The following PLEKHA7 variants were observed in gnomAD, a reference collection of about 807,000 sequenced individuals.
The protein encoded by PLEKHA7 is pleckstrin homology domain-containing family A member 7.
Under a neutral mutation model 170.0 loss-of-function variants are expected in PLEKHA7, and 104 were observed. That is an observed-to-expected ratio of 0.61 (90% CI 0.52 to 0.72). The LOEUF (loss-of-function observed/expected upper bound fraction) is 0.72. Ranked by LOEUF, PLEKHA7 falls within the 30% of genes least tolerant of loss-of-function variation. The probability of loss-of-function intolerance (pLI) is 0.00; values close to 1 mark genes in which losing one functional copy is unlikely to be tolerated. For missense variants in PLEKHA7, 1,615 were observed against 1,671.7 expected, an observed-to-expected ratio of 0.97 and a Z score of 0.59; for synonymous variants, 648 against 660.8, an observed-to-expected ratio of 0.98 and a Z score of 0.30.
At chr11:16,887,399 C>G (rs1475556714) in intron 3 of PLEKHA7, among the ~76,000 whole-genome samples, 1 of 104,664 alleles carries the variant, frequency 9.6e-6, no homozygotes, top group Admixed American at 8.9e-5. Context: ...CCTCTCCCCA[C>G]GGTCTCCCTC....
At chr11:16,910,099 G>A (rs555341911) in intron 3 of PLEKHA7, among the ~76,000 whole-genome samples, 77 of 152,282 alleles carry the variant, frequency 5.1e-4, no homozygotes, top group African/African-American at 1.9e-3. Context: ...GCTGAGTTCT[G>A]CACTTTTAAA....
Position 16,783,721 on chromosome 11 carries a change from C to A in PLEKHA7, c.3629G>T (p.Arg1210Leu). The change falls in exon 25 of 27, where the codon CGC (arginine) becomes CTC (leucine). Residue 1210 changes from arginine (R) to leucine (L), a missense_variant. By Grantham distance (102) the Arg-to-Leu change is moderately radical. Transcript: ENST00000531066. ...QARYRKAEKIRNILARSSMCN... is the reference protein window; with the variant it reads ...QARYRKAEKILNILARSSMCN... ...TGACCTTGACCGGGCGAGGATGTTG[C>A]GGATCTTCTCGGCTTTGCGGTACCG... The A allele has an allele frequency of 1.4e-6, 2 of 1,476,736 alleles. No individual in the cohort carries two copies. The highest frequency in any genetic ancestry group is 2.7e-5 in the East Asian group (1 of 36,846). 91.5% of individuals were successfully genotyped at this position (1,476,736 alleles called of 1,614,324 possible). A position where few individuals can be genotyped will look rare whatever the true frequency, so the allele number is the denominator to read the frequency against.
At chr11:16,981,686 A>G (rs528694787) in intron 3 of PLEKHA7, among the ~76,000 whole-genome samples, 1 of 152,300 alleles carries the variant, frequency 6.6e-6, no homozygotes, top group East Asian at 1.9e-4. Context: ...TTGAGTTGCA[A>G]AGAGAAAAAT....
intron 23 of PLEKHA7, chr11:16,786,724 G>A (rs1194285081): frequency 1.0e-6 from 1 of 985,274 alleles, no homozygotes. Flanking sequence ...CTAGAGAAGG[G>A]ATTTGTCCCT....
chr11:16,899,357 C>T (rs1565090400), intron 3 of PLEKHA7, among the ~76,000 whole-genome samples: 1 of 152,172 alleles, frequency 6.6e-6, no homozygotes, highest in South Asian at 2.1e-4. Flanking sequence ...ATTAGCCGGG[C>T]GTGGTGGCAC....
chr11:16,939,540 T>A (rs1424300390), intron 3 of PLEKHA7, among the ~76,000 whole-genome samples: 1 of 152,174 alleles, frequency 6.6e-6, no homozygotes, highest in Non-Finnish European at 1.5e-5. Flanking sequence ...TTTTATTGAG[T>A]CAATTTAAAG....
chr11:16,886,481 C>T (rs1688367307), intron 3 of PLEKHA7, among the ~76,000 whole-genome samples: 1 of 152,190 alleles, frequency 6.6e-6, no homozygotes, highest in African/African-American at 2.4e-5. Context: ...GAGGCTGAGG[C>T]AAGTGGATCA....
intron 3 of PLEKHA7, among the ~76,000 whole-genome samples, chr11:16,948,899 G>C (rs1055225223): frequency 6.6e-6 from 1 of 152,148 alleles, no homozygotes; most frequent in African/African-American, 2.4e-5. Flanking sequence ...CAGGTCTATA[G>C]AGACACCTCT....
chr11:16,778,686 C>T lies in PLEKHA7; in HGVS notation c.*312G>A. ...TACGTGCAGCTGCAAAGTCCTGCAT[C>T]CTCAACCTTCCTGCCACTCAGCCCT... On this transcript the variant is annotated 3_prime_UTR_variant, in exon 27 of 27. Coordinates refer to ENST00000531066, the MANE Select transcript of PLEKHA7 (RefSeq NM_001329630.2). The T allele has an allele frequency of 2.3e-6, 1 of 441,778 alleles. No individual in the cohort carries two copies. Among genetic ancestry groups the T allele is most frequent in the Admixed American group, 3.5e-5 (1 of 28,292 alleles). The allele number at this position is 441,778 out of a possible 1,614,324, so 27.4% of individuals were successfully genotyped here.
At chr11:16,979,833 C>T (rs1863312315) in intron 3 of PLEKHA7, among the ~76,000 whole-genome samples, 1 of 152,100 alleles carries the variant, frequency 6.6e-6, no homozygotes, top group African/African-American at 2.4e-5. Context: ...TATCTAGTGA[C>T]TGATTAACTC....
intron 8 of PLEKHA7, among the ~76,000 whole-genome samples, chr11:16,845,396 C>T (rs1440319652): frequency 1.3e-5 from 2 of 152,188 alleles, no homozygotes; most frequent in African/African-American, 4.8e-5. Flanking sequence ...GAGACAAGGT[C>T]TTGCTCTGTT....
intron 8 of PLEKHA7, among the ~76,000 whole-genome samples, chr11:16,843,799 T>C (rs975160572): frequency 6.6e-6 from 1 of 152,066 alleles, no homozygotes; most frequent in Non-Finnish European, 1.5e-5. Flanking sequence ...TAGCTGGGCA[T>C]GGTGGCACAT....
At chr11:16,880,485 T>C (rs907789708) in intron 3 of PLEKHA7, among the ~76,000 whole-genome samples, 1 of 152,258 alleles carries the variant, frequency 6.6e-6, no homozygotes, top group African/African-American at 2.4e-5. Context: ...ACTCTAAAAC[T>C]GCACTCCAAT....
chr11:16,918,008 C>T (rs1333408281), intron 3 of PLEKHA7, among the ~76,000 whole-genome samples: 2 of 152,200 alleles, frequency 1.3e-5, no homozygotes, highest in Non-Finnish European at 2.9e-5. Flanking sequence ...CAGGTTTCTT[C>T]AGCTAACGTG....
intron 3 of PLEKHA7, among the ~76,000 whole-genome samples, chr11:16,994,568 A>G (rs2136982852): frequency 6.6e-6 from 1 of 152,234 alleles, no homozygotes; most frequent in Admixed American, 6.5e-5. Context: ...TTCCTCCCGT[A>G]CAGCCTCAGA....
At chr11:16,903,576 G>A (rs991894634) in intron 3 of PLEKHA7, among the ~76,000 whole-genome samples, 7 of 152,130 alleles carry the variant, frequency 4.6e-5, no homozygotes, top group Non-Finnish European at 7.4e-5. Context: ...CTGTTTTCCT[G>A]TATTTCTTAA....
rs568718448 is a variant in PLEKHA7, at chr11:17,002,989, C to CTTTTTTTT, written c.221+10992_221+10999dup. Among the ~76,000 whole-genome samples the CTTTTTTTT allele has an allele frequency of 3.0e-4, 34 of 112,978 alleles. 6 individuals are homozygous for CTTTTTTTT. The highest frequency in any genetic ancestry group is 3.9e-4 in the Admixed American group (4 of 10,274). The allele number at this position is 112,978 out of a possible 152,430, so 74.1% of individuals were successfully genotyped here. A position where few individuals can be genotyped will look rare whatever the true frequency, so the allele number is the denominator to read the frequency against. On this transcript the variant is annotated intron_variant, in intron 3 of 26. Transcript: ENST00000531066. ...CCTTTAAGTACCAGAATAGTTGTGC[C>CTTTTTTTT]TTTTTTTTTTTTTTTTTTTTGTGAT...
At chr11:16,967,168 G>C (rs1590741709) in intron 3 of PLEKHA7, among the ~76,000 whole-genome samples, 1 of 152,136 alleles carries the variant, frequency 6.6e-6, no homozygotes, top group African/African-American at 2.4e-5. Flanking sequence ...TTTTTAAACT[G>C]GCTGTTAAAT....
At chr11:16,800,899 T>G in intron 17 of PLEKHA7, 75 bp downstream of exon 17, 1 of 1,266,002 alleles carries the variant, frequency 7.9e-7, no homozygotes. Context: ...CCCCCACAGG[T>G]GAAGTCTCTT....
Sources: gnomAD v4.1 joint callset for allele counts (sites outside exome capture counted in the v4.1 genomes callset) on GRCh38, gnomAD v4.1.1 for gene constraint, MANE v1.5 for transcripts, NCBI Gene and HGNC (gene_info 2026-07-23, HGNC 2026-07-21) for gene names.